The following USP35 variants were observed in gnomAD, a reference collection of about 807,000 sequenced individuals.
USP35 encodes ubiquitin specific peptidase 35.
USP35 carries 69 observed loss-of-function variants against 83.8 expected under a neutral mutation model. The ratio of observed to expected loss-of-function variants is 0.82; its 90% CI spans 0.68 to 1.01. The LOEUF (loss-of-function observed/expected upper bound fraction) is 1.01, where lower values mean the gene tolerates loss of function less well. Among genes scored for constraint, USP35 ranks in the 50% least tolerant of loss-of-function variants. The probability of loss-of-function intolerance (pLI) is 0.00; values close to 1 mark genes in which losing one functional copy is unlikely to be tolerated. For missense variants in USP35, 1,503 were observed against 1,362.5 expected (o/e 1.10, Z -1.62); for synonymous variants, 714 against 589.5 (o/e 1.21, Z -3.06).
Position 78,197,927 on chromosome 11 carries a change from C to T in USP35, c.674-9C>T, listed in dbSNP as rs1565395372. Reference sequence around the variant, plus strand: ...TCCCTGCTAAGCTCAGCCCTGTCCCCTGTTCCAGAGGAGGAGCCACCATCT... The same window carrying T: ...TCCCTGCTAAGCTCAGCCCTGTCCCTTGTTCCAGAGGAGGAGCCACCATCT... On this transcript the variant is annotated splice_polypyrimidine_tract_variant and intron_variant, in intron 2 of 10. Transcript: ENST00000529308. The T allele has an allele frequency of 6.2e-7, 1 of 1,613,732 alleles. No homozygotes were observed. The highest frequency in any genetic ancestry group is 1.7e-4 in the Middle Eastern group (1 of 6,060).
Position 78,213,924 on chromosome 11 carries a change from T to C in USP35, c.*111T>C, listed in dbSNP as rs1218569043. 2.4e-6 allele frequency: 3 copies of C among 1,257,054 alleles called. No individual in the cohort carries two copies. The highest frequency in any genetic ancestry group is 3.2e-5 in the African/African-American group (2 of 63,424). 77.9% of individuals were successfully genotyped at this position (1,257,054 alleles called of 1,614,324 possible). On this transcript the variant is annotated 3_prime_UTR_variant, in exon 11 of 11. Transcript: ENST00000529308. ...GAAGGATGGTACAGCTCATGGCACCTTAGTCCTCAGCCTGATGAAGGGTAC... is the reference window on the plus strand; with the variant it reads ...GAAGGATGGTACAGCTCATGGCACCCTAGTCCTCAGCCTGATGAAGGGTAC...
At position 78,197,929 on chromosome 11, in the gene USP35, G is replaced by T. The variant is rs773436235; in HGVS notation, c.674-7G>T. ...CCTGCTAAGCTCAGCCCTGTCCCCT[G>T]TTCCAGAGGAGGAGCCACCATCTAG... On this transcript the variant is annotated splice_region_variant and splice_polypyrimidine_tract_variant and intron_variant, in intron 2 of 10. Coordinates refer to ENST00000529308, the MANE Select transcript of USP35 (RefSeq NM_020798.4). The T allele has an allele frequency of 1.2e-6, 2 of 1,613,750 alleles. No homozygotes were observed. Among genetic ancestry groups the T allele is most frequent in the African/African-American group, 2.7e-5 (2 of 74,926 alleles).
At chr11:78,213,492 C>T (rs1863887813) in intron 10 of USP35, among the ~76,000 whole-genome samples, 154 bp from the exon 11 acceptor site, 1 of 151,666 alleles carries the variant, frequency 6.6e-6, no homozygotes, top group Non-Finnish European at 1.5e-5. Context: ...TGAAGGTGTC[C>T]ACCCCGGATA....
intron 10 of USP35, among the ~76,000 whole-genome samples, chr11:78,213,340 C>T (rs573224419): frequency 3.9e-4 from 60 of 152,226 alleles, no homozygotes; most frequent in Non-Finnish European, 4.9e-4. Context: ...GACAGGTTCC[C>T]GTGTGGTGTG....
At chr11:78,197,854 G>A (rs991933916) in intron 2 of USP35, 82 bp from the exon 3 acceptor site, 4 of 1,526,048 alleles carry the variant, frequency 2.6e-6, no homozygotes, top group Admixed American at 4.2e-5. Flanking sequence ...AGCCCGGTTC[G>A]TTGGCTCCTG....
Position 78,196,880 on chromosome 11 carries a change from C to G in USP35, c.635C>G (p.Pro212Arg). Residue 212 changes from proline to arginine, a missense_variant, in exon 2 of 11, where the codon CCC becomes CGC. Physicochemically the swap from Pro to Arg is moderately radical, Grantham distance 103. Transcript: ENST00000529308. The surrounding 1 kb of genome is among the most constrained non-coding windows in gnomAD (Gnocchi z 4.8). Reference protein sequence around the residue: ...LWRAQPAAILPCLKELFAVIS... With the variant: ...LWRAQPAAILRCLKELFAVIS... The stretch of plus-strand genomic sequence containing the variant: ...CGCGCACAGCCCGCCGCCATCCTGC[C>G]CTGCCTCAAAGAGCTGTTCGCAGTC... 1 of 1,477,216 alleles carries G rather than the reference C, an allele frequency of 6.8e-7. No individual in the cohort carries two copies. The highest frequency in any genetic ancestry group is 1.4e-5 in the African/African-American group (1 of 69,526). 91.5% of individuals were successfully genotyped at this position (1,477,216 alleles called of 1,614,324 possible).
In USP35 at chr11:78,206,040, G is replaced by A. The variant is rs1863520159; in HGVS notation, c.1391+5G>A. The A allele has an allele frequency of 1.2e-6, 2 of 1,606,208 alleles. No homozygotes were observed. The highest frequency in any genetic ancestry group is 2.2e-5 in the East Asian group (1 of 44,610). On this transcript the variant is annotated splice_donor_5th_base_variant and intron_variant, in intron 7 of 10. Transcript: ENST00000529308. Reference sequence around the variant, plus strand: ...GGCCTTATTCATGGCGTCTGAGTAGGTGCTGCTTTGGAATTCCCTGTCTGC... The same window carrying A: ...GGCCTTATTCATGGCGTCTGAGTAGATGCTGCTTTGGAATTCCCTGTCTGC...
At chr11:78,236,394 A>G in the USP35 span, among the ~76,000 whole-genome samples, 1 of 152,154 alleles carries the variant, frequency 6.6e-6, no homozygotes, top group African/African-American at 2.4e-5. Context: ...CCAGGTATCC[A>G]CCTGCCTCAG....
chr11:78,209,084 G>A (rs1187343348), intron 9 of USP35, 121 bp downstream of exon 9: 2 of 1,045,570 alleles, frequency 1.9e-6, no homozygotes, highest in African/African-American at 1.6e-5. Context: ...ACATGTGGAG[G>A]GCGTGGAGAA....
intron 7 of USP35, 28 bp from the exon 8 acceptor site, chr11:78,207,502 C>T (rs1362938680): frequency 5.0e-6 from 8 of 1,612,226 alleles, no homozygotes; most frequent in Non-Finnish European, 6.8e-6. Context: ...CCATGGCTTA[C>T]CCTGGGTGCC....
At chr11:78,221,485 T>G in the USP35 span, among the ~76,000 whole-genome samples, 1 of 152,164 alleles carries the variant, frequency 6.6e-6, no homozygotes, top group East Asian at 1.9e-4. Context: ...CATGTCTTCC[T>G]TACATCTGAT....
In USP35 at chr11:78,213,741, GGATGAA is replaced by G; in HGVS notation, c.2987_2992del (p.Asp996_Glu997del). The G allele has an allele frequency of 6.5e-7, 1 of 1,541,982 alleles. No individual in the cohort carries two copies. The highest frequency in any genetic ancestry group is 1.3e-5 in the South Asian group (1 of 79,336). On this transcript the variant is annotated inframe_deletion, in exon 11 of 11. Transcript: ENST00000529308. The stretch of plus-strand genomic sequence containing the variant: ...GGGGCTTTGATGAAGACAAGGATGA[GGATGAA>G]GGCTCTCCAGGGGGCTGCAATCCTG...
the USP35 span, among the ~76,000 whole-genome samples, chr11:78,230,138 T>G: frequency 3.9e-5 from 6 of 152,262 alleles, no homozygotes; most frequent in African/African-American, 1.4e-4. Context: ...AATAAACGTT[T>G]GTTGTAAGTA....
downstream of USP35, chr11:78,216,037 A>T (rs1002489220): frequency 6.6e-6 from 1 of 152,646 alleles, no homozygotes; most frequent in African/African-American, 2.4e-5. Context: ...GGGACTGGGG[A>T]TAGGTACTGC....
At chr11:78,233,669 C>A in the USP35 span, among the ~76,000 whole-genome samples, 5 of 151,924 alleles carry the variant, frequency 3.3e-5, no homozygotes, top group East Asian at 9.8e-4. Flanking sequence ...TGCAGTGGTG[C>A]CATCTTGGCT....
chr11:78,193,367 A>ATT (rs796844904), intron 1 of USP35, among the ~76,000 whole-genome samples: 2,436 of 131,740 alleles, frequency 0.018, 86 homozygotes, highest in African/African-American at 0.068. Context: ...AATTGATGTA[A>ATT]TTTTTTTTTT....
rs977819056 is a variant in USP35, at chr11:78,210,295, G to A, written c.2440G>A (p.Asp814Asn). 3.1e-6 allele frequency: 5 copies of A among 1,613,870 alleles called. No homozygotes were observed. Among genetic ancestry groups the A allele is most frequent in the Non-Finnish European group, 1.7e-6 (2 of 1,180,040 alleles). The change falls in exon 10 of 11, where the codon GAC (aspartate) becomes AAC (asparagine). Residue 814 changes from aspartate to asparagine, a missense_variant. Coordinates refer to ENST00000529308, the MANE Select transcript of USP35 (RefSeq NM_020798.4). ...CCTCACACTGCTGCGCTTCTCTTTC[G>A]ACCTGCGCACCATGCGGCGCCGCAA... Reference protein sequence around the residue: ...LILTLLRFSFDLRTMRRRKIL... With the variant: ...LILTLLRFSFNLRTMRRRKIL...
chr11:78,212,889 GA>G (rs921789744), intron 10 of USP35, among the ~76,000 whole-genome samples: 3 of 152,140 alleles, frequency 2.0e-5, no homozygotes, highest in Admixed American at 6.5e-5. Context: ...AGTTGAGTCT[GA>G]GGGGGAGGAG....
At chr11:78,209,084 G>T in intron 9 of USP35, 121 bp downstream of exon 9, 1 of 1,045,688 alleles carries the variant, frequency 9.6e-7, no homozygotes. Context: ...ACATGTGGAG[G>T]GCGTGGAGAA....
Sources: gnomAD v4.1 joint callset for allele counts (sites outside exome capture counted in the v4.1 genomes callset) on GRCh38, gnomAD v4.1.1 for gene constraint, Gnocchi (gnomAD v3.1) non-coding constraint, MANE v1.5 for transcripts, NCBI Gene and HGNC (gene_info 2026-07-23, HGNC 2026-07-21) for gene names.